The following DAB1 variants were observed in gnomAD, a reference collection of about 807,000 sequenced individuals.
DAB1 encodes disabled homolog 1.
Under a neutral mutation model 64.6 loss-of-function variants are expected in DAB1, and 15 were observed. The ratio of observed to expected loss-of-function variants is 0.23; its 90% CI spans 0.16 to 0.36. DAB1 has a LOEUF of 0.36. DAB1 is among the 10% of genes least tolerant of loss of function. The pLI is 1.00. For missense variants in DAB1, 596 were observed against 706.7 expected (o/e 0.84, Z 1.78); for synonymous variants, 235 against 251.9 (o/e 0.93, Z 0.64).
chr1:57,984,184 A>AAAGAAAGAAAG (rs1553150345), intron 5 of DAB1, among the ~76,000 whole-genome samples: 2 of 50,656 alleles, frequency 3.9e-5, no homozygotes, highest in African/African-American at 1.1e-4. Flanking sequence ...TAGCTTAAAA[A>AAAGAAAGAAAG]AAAGAAAGAA....
chr1:58,473,982 G>A (rs1157449970), intron 3 of DAB1: 33 of 1,255,810 alleles, frequency 2.6e-5, no homozygotes, highest in South Asian at 7.5e-5. Flanking sequence ...TCACATGCAC[G>A]TAAATATCAC....
chr1:57,569,092 A>C (rs1248861580), intron 7 of DAB1, among the ~76,000 whole-genome samples: 2 of 150,566 alleles, frequency 1.3e-5, no homozygotes, highest in Non-Finnish European at 3.0e-5. Flanking sequence ...CCCCGTCTCT[A>C]CTAAAAATAC....
intron 3 of DAB1, among the ~76,000 whole-genome samples, chr1:58,408,489 T>TC (rs1432449156): frequency 6.6e-6 from 1 of 152,250 alleles, no homozygotes; most frequent in Non-Finnish European, 1.5e-5. Flanking sequence ...GCAAGGATTC[T>TC]CCAGTGTTCA....
At chr1:57,149,455 A>G (rs1417277789) in intron 2 of DAB1, among the ~76,000 whole-genome samples, 2 of 152,190 alleles carry the variant, frequency 1.3e-5, no homozygotes, top group African/African-American at 4.8e-5. Context: ...AGCAAAATAT[A>G]AGGTTCCAAT....
rs1273668614 is a variant in DAB1 at position 57,968,425 on chromosome 1, T to A, written n.388-84263A>T. Reference sequence around the variant, plus strand: ...ATAAGAAGCATTTACTAAAAAACATTCTGAGAATTTGGATAAAAGATTCTG... The same window carrying A: ...ATAAGAAGCATTTACTAAAAAACATACTGAGAATTTGGATAAAAGATTCTG... On this transcript the variant is annotated intron_variant and non_coding_transcript_variant, in intron 5 of 20. Transcript: ENST00000485760. 3.9e-5 allele frequency among the ~76,000 whole-genome samples: 6 copies of A among 152,112 alleles called. No individual in the cohort carries two copies. The East Asian group carries it at 5.8e-4, about 15-fold the overall frequency.
intron 5 of DAB1, among the ~76,000 whole-genome samples, chr1:58,017,303 T>A (rs1365221832): frequency 6.6e-6 from 1 of 152,150 alleles, no homozygotes; most frequent in Non-Finnish European, 1.5e-5. Context: ...AAACATCTCA[T>A]GTTCGAAATC....
chr1:58,279,900 C>T (rs141923939), intron 4 of DAB1, among the ~76,000 whole-genome samples: 10 of 152,194 alleles, frequency 6.6e-5, no homozygotes, highest in Admixed American at 2.0e-4. Context: ...CTTTGCAGAT[C>T]GGCTCCATTG....
intron 5 of DAB1, among the ~76,000 whole-genome samples, chr1:58,118,670 A>C (rs1652545064): frequency 6.8e-6 from 1 of 147,098 alleles, no homozygotes; most frequent in Non-Finnish European, 1.5e-5. Flanking sequence ...ATGAGTGTAC[A>C]TATATATACA....
At chr1:58,473,163 C>G (rs1645379833) in intron 3 of DAB1, among the ~76,000 whole-genome samples, 1 of 152,210 alleles carries the variant, frequency 6.6e-6, no homozygotes, top group South Asian at 2.1e-4. Context: ...ATCTGAGACC[C>G]AAGAGCTTGC....
At chr1:57,695,316 GA>G in intron 6 of DAB1, among the ~76,000 whole-genome samples, 1 of 107,438 alleles carries the variant, frequency 9.3e-6, no homozygotes, top group East Asian at 2.8e-4. Context: ...AAGAAAGAAA[GA>G]AAGAAAGAAA....
At chr1:58,000,116 G>A (rs978539064) in intron 5 of DAB1, among the ~76,000 whole-genome samples, 1 of 152,070 alleles carries the variant, frequency 6.6e-6, no homozygotes, top group African/African-American at 2.4e-5. Context: ...GGTCTGTCCT[G>A]CCCTTGAAGA....
At chr1:57,173,307 C>T (rs1049027627) in intron 2 of DAB1, among the ~76,000 whole-genome samples, 3 of 152,146 alleles carry the variant, frequency 2.0e-5, no homozygotes, top group Non-Finnish European at 4.4e-5. Flanking sequence ...AAACTCTTTG[C>T]ACACCAACAT....
intron 4 of DAB1, among the ~76,000 whole-genome samples, chr1:58,276,478 G>A (rs689231): frequency 0.66 from 101,000 of 152,002 alleles, 34,602 homozygotes; most frequent in East Asian, 0.87. Context: ...AATGCATTAC[G>A]AAGAACTAGT....
intron 5 of DAB1, among the ~76,000 whole-genome samples, chr1:58,059,702 A>G (rs1051558401): frequency 3.9e-5 from 6 of 152,230 alleles, no homozygotes; most frequent in African/African-American, 1.4e-4. Flanking sequence ...AAAATAGCCA[A>G]ATCCACCACA....
intron 5 of DAB1, among the ~76,000 whole-genome samples, chr1:58,073,225 T>A (rs1482424235): frequency 6.6e-6 from 1 of 152,208 alleles, no homozygotes; most frequent in East Asian, 1.9e-4. Context: ...TTGTCCATTG[T>A]TCTGCCTTCA....
chr1:58,033,636 C>T (rs1042238642), intron 5 of DAB1, among the ~76,000 whole-genome samples: 1 of 152,180 alleles, frequency 6.6e-6, no homozygotes, highest in Non-Finnish European at 1.5e-5. Context: ...GGTAGTGATA[C>T]TATTTTTACT....
intron 1 of DAB1, among the ~76,000 whole-genome samples, chr1:57,398,350 C>A (rs1682977202): frequency 6.6e-6 from 1 of 151,494 alleles, no homozygotes; most frequent in African/African-American, 2.4e-5. Flanking sequence ...TCTAGGGATG[C>A]CTGAGGGAAA....
intron 5 of DAB1, among the ~76,000 whole-genome samples, chr1:58,117,329 G>A (rs2100662754): frequency 6.6e-6 from 1 of 152,302 alleles, no homozygotes; most frequent in Non-Finnish European, 1.5e-5. Flanking sequence ...ATATGTGAAA[G>A]AGGCAGAATC....
At chr1:57,180,612 A>G (rs1366112769) in intron 2 of DAB1, among the ~76,000 whole-genome samples, 3 of 152,102 alleles carry the variant, frequency 2.0e-5, no homozygotes, top group Non-Finnish European at 4.4e-5. Flanking sequence ...GATAACAATG[A>G]CAAAATATGT....
Sources: gnomAD v4.1 joint callset for allele counts (sites outside exome capture counted in the v4.1 genomes callset) on GRCh38, gnomAD v4.1.1 for gene constraint, MANE v1.5 for transcripts, NCBI Gene and HGNC (gene_info 2026-07-23, HGNC 2026-07-21) for gene names.